RASSF2: variants seen among roughly 807,000 people sequenced by gnomAD.
RASSF2 encodes ras association domain-containing protein 2.
Under a neutral mutation model 46.3 loss-of-function variants are expected in RASSF2, and 34 were observed. The observed-to-expected ratio is 0.73, with a 90% CI of 0.56 to 0.98. The LOEUF is 0.98. RASSF2 is among the 50% of genes least tolerant of loss of function. RASSF2 has a pLI of 0.00. For missense variants in RASSF2, 364 were observed against 431.2 expected (o/e 0.84, Z 1.38); for synonymous variants, 158 against 162.5 (o/e 0.97, Z 0.21).
intron 2 of RASSF2, among the ~76,000 whole-genome samples, chr20:4,809,117 C>T (rs1340602545): frequency 6.6e-6 from 1 of 152,182 alleles, no homozygotes; most frequent in African/African-American, 2.4e-5. Flanking sequence ...TCCAAATTCT[C>T]CTCAGCTCCA....
At chr20:4,813,782 CGTGTGT>C (rs11468773) in intron 2 of RASSF2, among the ~76,000 whole-genome samples, 3 of 150,172 alleles carry the variant, frequency 2.0e-5, no homozygotes, top group African/African-American at 7.3e-5. Flanking sequence ...CAGTGTGTGG[CGTGTGT>C]GTGTGTGTGT....
In RASSF2 at chr20:4,786,098, G is replaced by A. The variant is rs1925309372; in HGVS notation, c.911+133C>T. On this transcript the variant is annotated intron_variant, in intron 11 of 11. Transcript: ENST00000379400. ...TCACTTGAAATCCAGGTTTGTCAAT[G>A]GGCAGCCCTCCAAAGAAAGCCGAGA... The A allele has an allele frequency of 1.1e-5, 8 of 726,560 alleles. No homozygotes were observed. In the South Asian group the frequency reaches 1.2e-4, roughly 11 times the overall value. The allele number at this position is 726,560 out of a possible 1,614,324, so 45.0% of individuals were successfully genotyped here.
rs756447854 is a variant in RASSF2 at position 4,784,075 on chromosome 20, A to T, written c.*198T>A. ...AAAATCAAAAGTCCTTGTGAGCAGAAAAAAGGAGGGCAGGGGTCCAGGGAT... is the reference window on the plus strand; with the variant it reads ...AAAATCAAAAGTCCTTGTGAGCAGATAAAAGGAGGGCAGGGGTCCAGGGAT... On this transcript the variant is annotated 3_prime_UTR_variant, in exon 12 of 12. Coordinates refer to ENST00000379400, the MANE Select transcript of RASSF2 (RefSeq NM_014737.3). 1 of 608,044 alleles carries T rather than the reference A, an allele frequency of 1.6e-6. No individual in the cohort carries two copies. Among genetic ancestry groups the T allele is most frequent in the Admixed American group, 2.9e-5 (1 of 33,958 alleles). The allele number at this position is 608,044 out of a possible 1,614,324, so 37.7% of individuals were successfully genotyped here.
intron 11 of RASSF2, among the ~76,000 whole-genome samples, chr20:4,785,171 A>AAG (rs1555788463): frequency 2.0e-5 from 3 of 151,078 alleles, no homozygotes; most frequent in African/African-American, 7.3e-5. Context: ...AAAAAAAAAA[A>AAG]AAAGAAAGAA....
chr20:4,785,691 G>T (rs1925265240), intron 11 of RASSF2, among the ~76,000 whole-genome samples: 1 of 152,116 alleles, frequency 6.6e-6, no homozygotes, highest in Admixed American at 6.5e-5. Flanking sequence ...GAAATCCCTG[G>T]AACCTCCGGG....
chr20:4,794,244 G>A (rs1024951717), intron 5 of RASSF2, among the ~76,000 whole-genome samples: 1 of 152,054 alleles, frequency 6.6e-6, no homozygotes, highest in African/African-American at 2.4e-5. Flanking sequence ...GTGCAACATA[G>A]TGAGACCCCA....
In RASSF2 at chr20:4,800,982, A is replaced by C; in HGVS notation, c.49T>G (p.Tyr17Asp). Residue 17 changes from tyrosine to aspartate, a missense_variant, in exon 3 of 12, where the codon TAC becomes GAC. Tyr to Asp is a radical substitution (Grantham distance 160, BLOSUM62 -3). Coordinates refer to ENST00000379400, the MANE Select transcript of RASSF2 (RefSeq NM_014737.3). ...AGCAAAACGTCTTACTTGGAAATGT[A>C]TTTATCTTGTCCACATGGGACTAGG... ...TSLVPCGQDK[Y>D]ISKNELLLHL... 2 of 1,611,384 alleles carry C rather than the reference A, an allele frequency of 1.2e-6. No homozygotes were observed. The highest frequency in any genetic ancestry group is 1.7e-6 in the Non-Finnish European group (2 of 1,177,460).
At chr20:4,818,410 G>A (rs1006729639) in intron 2 of RASSF2, among the ~76,000 whole-genome samples, 7 of 151,968 alleles carry the variant, frequency 4.6e-5, no homozygotes, top group South Asian at 2.1e-4. Flanking sequence ...CCTCCCCTCC[G>A]CATGTACAGA....
At position 4,786,211 on chromosome 20, in the gene RASSF2, GC is replaced by G; in HGVS notation, c.911+19del. The stretch of plus-strand genomic sequence containing the variant: ...AGGCCCCAGGAGAAGTGCACCCAGT[GC>G]CCCAGAAGCCACACTTACTTGCGCA... On this transcript the variant is annotated intron_variant, in intron 11 of 11. Coordinates refer to ENST00000379400, the MANE Select transcript of RASSF2 (RefSeq NM_014737.3). 4 of 1,574,548 alleles carry G rather than the reference GC, an allele frequency of 2.5e-6. No homozygotes were observed. Among genetic ancestry groups the G allele is most frequent in the Non-Finnish European group, 3.5e-6 (4 of 1,144,340 alleles).
rs1927911067 is a variant in RASSF2 at position 4,812,589 on chromosome 20, A to G, written c.-33+9740T>C. Among the ~76,000 whole-genome samples, 2 of 152,232 alleles carry G rather than the reference A, an allele frequency of 1.3e-5. No homozygotes were observed. Among genetic ancestry groups the G allele is most frequent in the South Asian group, 4.1e-4 (2 of 4,834 alleles). On this transcript the variant is annotated intron_variant, in intron 2 of 11. Coordinates refer to ENST00000379400, the MANE Select transcript of RASSF2 (RefSeq NM_014737.3). The surrounding 1 kb of genome is among the most constrained non-coding windows in gnomAD (Gnocchi z 4.0). ...GAGGGCTCGTTAAAATACAGATTGC[A>G]GGTCCCTTTGCCCCAGTTTCTGATT... is the stretch of plus-strand genomic sequence containing the variant.
At chr20:4,789,150 G>A (rs2422990) in intron 8 of RASSF2, among the ~76,000 whole-genome samples, 62,631 of 151,712 alleles carry the variant, frequency 0.41, 13,065 homozygotes, top group African/African-American at 0.46. Context: ...TAATTTGCAC[G>A]TCTATTTAAG....
rs1181003979 is a variant in RASSF2 at position 4,781,224 on chromosome 20, G to T, written c.*3049C>A. On this transcript the variant is annotated 3_prime_UTR_variant, in exon 12 of 12. Transcript: ENST00000379400. ...TTGAGACTTTTTTGCATGGAAAACA[G>T]ATATTTTGGGGGGGGCATTATATGC... 3 of 96,350 alleles carry T rather than the reference G, an allele frequency of 3.1e-5. No individual in the cohort carries two copies. Among genetic ancestry groups the T allele is most frequent in the African/African-American group, 7.0e-5 (2 of 28,538 alleles). 6.0% of individuals were successfully genotyped at this position (96,350 alleles called of 1,614,324 possible).
chr20:4,816,982 G>C (rs1040649783), intron 2 of RASSF2, among the ~76,000 whole-genome samples: 27 of 152,166 alleles, frequency 1.8e-4, no homozygotes, highest in African/African-American at 6.5e-4. Flanking sequence ...GTGCATGCCT[G>C]TAATCCCAGC....
chr20:4,790,708 C>A lies in RASSF2; in HGVS notation c.377-97G>T. On this transcript the variant is annotated intron_variant, in intron 6 of 11. Transcript: ENST00000379400. The surrounding 1 kb of genome is among the most constrained non-coding windows in gnomAD (Gnocchi z 4.3). ...CCAGTGCGACAGCACCCACTGTCTCCACAAATATATATTTTATACAAATAA... is the reference window on the plus strand; with the variant it reads ...CCAGTGCGACAGCACCCACTGTCTCAACAAATATATATTTTATACAAATAA... 1 of 848,678 alleles carries A rather than the reference C, an allele frequency of 1.2e-6. No homozygotes were observed. Among genetic ancestry groups the A allele is most frequent in the Admixed American group, 3.9e-5 (1 of 25,794 alleles). 52.6% of individuals were successfully genotyped at this position (848,678 alleles called of 1,614,324 possible). A position where few individuals can be genotyped will look rare whatever the true frequency, so the allele number is the denominator to read the frequency against.
chr20:4,789,478 G>GC, intron 8 of RASSF2, 118 bp downstream of exon 8: 1 of 762,222 alleles, frequency 1.3e-6, no homozygotes, highest in Non-Finnish European at 2.2e-6. Context: ...AAGAACCGAA[G>GC]CCCTCTGCTC....
chr20:4,794,334 C>A (rs1250743238), intron 5 of RASSF2, among the ~76,000 whole-genome samples: 2 of 151,990 alleles, frequency 1.3e-5, no homozygotes, highest in South Asian at 2.1e-4. Context: ...TTTGGGAGGT[C>A]AAGGAAGGTG....
intron 2 of RASSF2, among the ~76,000 whole-genome samples, chr20:4,814,939 G>A (rs1224339794): frequency 6.6e-6 from 1 of 152,188 alleles, no homozygotes; most frequent in Non-Finnish European, 1.5e-5. Context: ...CACGTGGCCC[G>A]CAGAGGCGGC....
At chr20:4,801,209 G>T in intron 2 of RASSF2, 147 bp from the exon 3 acceptor site, 1 of 626,012 alleles carries the variant, frequency 1.6e-6, no homozygotes. Context: ...CTGACCCAAG[G>T]CTGTGAGGGG....
intron 2 of RASSF2, among the ~76,000 whole-genome samples, chr20:4,810,153 C>G (rs1042630779): frequency 3.3e-5 from 5 of 152,228 alleles, no homozygotes; most frequent in African/African-American, 1.2e-4. Context: ...CAGGACCAGC[C>G]TGGCGCTGGA....
Sources: allele counts gnomAD v4.1 joint callset (sites outside exome capture counted in the v4.1 genomes callset), GRCh38; gene constraint gnomAD v4.1.1; non-coding constraint Gnocchi (gnomAD v3.1); transcripts MANE v1.5; gene names NCBI Gene and HGNC (gene_info 2026-07-23, HGNC 2026-07-21).